The following MTRF1L variants were observed in gnomAD, a reference collection of about 807,000 sequenced individuals.
The protein encoded by MTRF1L is mitochondrial translation release factor 1 like.
A neutral mutation model predicts 40.0 loss-of-function variants in MTRF1L; 29 were observed. That is an observed-to-expected ratio of 0.73 (90% CI 0.54 to 0.99). The LOEUF (loss-of-function observed/expected upper bound fraction) is 0.99, where lower values mean the gene tolerates loss of function less well. Ranked by LOEUF, MTRF1L falls within the 50% of genes least tolerant of loss-of-function variation. The pLI is 0.00. For synonymous variants in MTRF1L, 150 were observed against 175.8 expected (o/e 0.85, Z 1.16); for missense variants, 412 against 464.5 (o/e 0.89, Z 1.04).
rs1054543062 is a variant in MTRF1L at position 152,991,232 on chromosome 6, G to A, written c.895C>T (p.His299Tyr). 1.3e-6 allele frequency: 2 copies of A among 1,584,850 alleles called. No homozygotes were observed. The highest frequency in any genetic ancestry group is 1.2e-5 in the South Asian group (1 of 85,034). Residue 299 changes from histidine (H) to tyrosine (Y), a missense_variant, in exon 6 of 7, where the codon CAT becomes TAT. His to Tyr is a moderately conservative substitution (Grantham distance 83, BLOSUM62 2). Coordinates refer to ENST00000367233, the MANE Select transcript of MTRF1L (RefSeq NM_019041.7). ...TKLRAKLYSMHLEEEINKRQN... is the reference protein window; with the variant it reads ...TKLRAKLYSMYLEEEINKRQN... ...CTTTTATTTATTTCTTCTTCTAGAT[G>A]CATGCTGTACAGTTTTGCACGTAAC... is the stretch of plus-strand genomic sequence containing the variant.
chr6:152,989,924 A>C lies in MTRF1L; in HGVS notation c.1114T>G (p.Leu372Val). 6.2e-7 allele frequency: 1 copy of C among 1,612,856 alleles called. No homozygotes were observed. Among genetic ancestry groups the C allele is most frequent in the Non-Finnish European group, 8.5e-7 (1 of 1,179,646 alleles). Reference protein sequence around the residue: ...SLKEYADYESLVEIISQKV With the variant: ...SLKEYADYESVVEIISQKV The stretch of plus-strand genomic sequence containing the variant: ...ACTTTTTGGGAAATAATTTCTACTA[A>C]AGATTCATAATCGGCGTATTCCTTC... The change falls in exon 7 of 7, where the codon TTA becomes GTA. Residue 372 changes from leucine to valine, a missense_variant. Leu to Val is a conservative substitution (Grantham distance 32). Coordinates refer to ENST00000367233, the MANE Select transcript of MTRF1L (RefSeq NM_019041.7).
Position 153,002,418 on chromosome 6 carries a change from G to C in MTRF1L, c.259+9C>G. The C allele has an allele frequency of 6.2e-7, 1 of 1,613,956 alleles. No individual in the cohort carries two copies. The highest frequency in any genetic ancestry group is 8.5e-7 in the Non-Finnish European group (1 of 1,179,880). On this transcript the variant is annotated intron_variant, in intron 1 of 6. Coordinates refer to ENST00000367233, the MANE Select transcript of MTRF1L (RefSeq NM_019041.7). ...GCTCTGACGCCTCTCCCCCGGGCCC[G>C]ACCCTTACCGTGCAGCAAGTGCTCA...
intron 1 of MTRF1L, among the ~76,000 whole-genome samples, chr6:153,001,402 A>G (rs1007899731): frequency 3.3e-5 from 5 of 152,162 alleles, no homozygotes; most frequent in Non-Finnish European, 2.9e-5. Flanking sequence ...CACGTACTGT[A>G]TATCTCGAGA....
rs1057329152 is a variant in MTRF1L at position 153,002,569 on chromosome 6, C to T, written c.117G>A (p.Arg39=). Residue 39 remains arginine (R), a synonymous_variant, in exon 1 of 7, where the codon CGG becomes CGA. Transcript: ENST00000367233. ...GSPPLEELFT[R]GGPLRTFLER... is the part of the protein sequence containing the mutation. ...CGAGGAAGGTCCGCAAGGGCCCGCC[C>T]CGGGTGAACAGCTCCTCCAGCGGCG... 1.9e-6 allele frequency: 3 copies of T among 1,573,340 alleles called. No individual in the cohort carries two copies. The highest frequency in any genetic ancestry group is 2.6e-6 in the Non-Finnish European group (3 of 1,160,714).
chr6:153,002,487 C>A lies in MTRF1L; in HGVS notation c.199G>T (p.Val67Leu). 6.2e-7 allele frequency: 1 copy of A among 1,613,740 alleles called. No homozygotes were observed. The highest frequency in any genetic ancestry group is 8.5e-7 in the Non-Finnish European group (1 of 1,179,846). ...TCCTTCTCGTTCAGCAGTTTGATCA[C>A]CGCCAGCAACTCGGGCCTCCTGACC... ...LKVRRPELLA[V>L]IKLLNEKERE... Residue 67 changes from valine to leucine, a missense_variant, in exon 1 of 7, where the codon GTG (valine) becomes TTG (leucine). Physicochemically the swap from Val to Leu is conservative, Grantham distance 32. Transcript: ENST00000367233.
chr6:153,002,459 C>T lies in MTRF1L; in HGVS notation c.227G>A (p.Arg76Gln), dbSNP rs3818123. ...CAAGTGCTCAGTCTCCCGCAGCTCCCGCTCCTTCTCGTTCAGCAGTTTGAT... is the reference window on the plus strand; with the variant it reads ...CAAGTGCTCAGTCTCCCGCAGCTCCTGCTCCTTCTCGTTCAGCAGTTTGAT... ...AVIKLLNEKE[R>Q]ELRETEHLLH... Residue 76 changes from arginine (R) to glutamine (Q), a missense_variant, in exon 1 of 7, where the codon CGG becomes CAG. Transcript: ENST00000367233. The T allele has an allele frequency of 0.69, 1,108,068 of 1,613,208 alleles. 381,407 individuals carry two copies. Among genetic ancestry groups the T allele is most frequent in the Admixed American group, 0.75 (45,090 of 59,970 alleles).
intron 6 of MTRF1L, 153 bp from the exon 7 acceptor site, chr6:152,990,248 A>G: frequency 9.2e-7 from 1 of 1,086,824 alleles, no homozygotes; most frequent in East Asian, 2.6e-5. Context: ...TGACATGGGA[A>G]CATGATATAG....
chr6:152,999,258 C>T (rs945603472), intron 1 of MTRF1L, among the ~76,000 whole-genome samples: 4 of 148,206 alleles, frequency 2.7e-5, no homozygotes, highest in African/African-American at 7.5e-5. Context: ...CATTCCTCTA[C>T]CCTATAGATG....
chr6:152,993,059 CAT>C (rs1161348964), intron 4 of MTRF1L, 85 bp from the exon 5 acceptor site: 14 of 929,828 alleles, frequency 1.5e-5, no homozygotes, highest in Non-Finnish European at 2.2e-5. Flanking sequence ...GAATATACAA[CAT>C]GTACAGAATT....
intron 6 of MTRF1L, 76 bp from the exon 7 acceptor site, chr6:152,990,171 C>A: frequency 6.5e-7 from 1 of 1,536,966 alleles, no homozygotes; most frequent in South Asian, 1.3e-5. Flanking sequence ...TATTTGGAGA[C>A]TTAAGTTCTT....
At chr6:152,994,774 A>C (rs752632084) in intron 3 of MTRF1L, 98 bp from the exon 4 acceptor site, 19 of 1,381,138 alleles carry the variant, frequency 1.4e-5, no homozygotes, top group African/African-American at 5.8e-5. Flanking sequence ...TTTTAAAGTC[A>C]TAAAAGGAGA....
intron 4 of MTRF1L, among the ~76,000 whole-genome samples, chr6:152,994,147 G>T (rs929743795): frequency 6.6e-6 from 1 of 152,072 alleles, no homozygotes; most frequent in Non-Finnish European, 1.5e-5. Flanking sequence ...ATTCTGTTAA[G>T]TAATTACCTT....
At chr6:152,997,349 G>A (rs901905011) in intron 2 of MTRF1L, among the ~76,000 whole-genome samples, 3 of 152,190 alleles carry the variant, frequency 2.0e-5, no homozygotes, top group Admixed American at 1.3e-4. Flanking sequence ...AAAAATTAAA[G>A]GTGAGCAAAC....
At chr6:152,992,271 G>GT (rs1778549948) in intron 5 of MTRF1L, among the ~76,000 whole-genome samples, 1 of 152,168 alleles carries the variant, frequency 6.6e-6, no homozygotes, top group Non-Finnish European at 1.5e-5. Context: ...AATCACTGTG[G>GT]TGATACCTGT....
rs543483061 is a variant in MTRF1L at position 152,998,541 on chromosome 6, A to T, written c.339+9T>A. 7.1e-6 allele frequency: 11 copies of T among 1,557,998 alleles called. No individual in the cohort carries two copies. The highest frequency in any genetic ancestry group is 5.6e-5 in the African/African-American group (4 of 71,830). ...CACAAATGCTTTATTCTTTGCAGAA[A>T]TACCATACCTGATGCTTCAGCTGAG... On this transcript the variant is annotated intron_variant, in intron 2 of 6. Coordinates refer to ENST00000367233, the MANE Select transcript of MTRF1L (RefSeq NM_019041.7).
At position 152,994,635 on chromosome 6, in the gene MTRF1L, C is replaced by T. The variant is rs1163480070; in HGVS notation, c.565G>A (p.Ala189Thr). Residue 189 changes from alanine (A) to threonine (T), a missense_variant, in exon 4 of 7, where the codon GCC becomes ACC. Transcript: ENST00000367233. ...HASASIGGSE[A>T]YRHMKFEGGV... ...CCTTCAAATTTCATGTGCCTATAGG[C>T]TTCTGAACCCCCAATGCTGGCAGAT... 1 of 1,614,106 alleles carries T rather than the reference C, an allele frequency of 6.2e-7. No individual in the cohort carries two copies. Among genetic ancestry groups the T allele is most frequent in the South Asian group, 1.1e-5 (1 of 91,084 alleles).
At chr6:152,994,930 A>T in intron 3 of MTRF1L, 1 of 708,304 alleles carries the variant, frequency 1.4e-6, no homozygotes, top group South Asian at 2.0e-5. Flanking sequence ...ACTGTTAGCA[A>T]TTTGATGGTT....
intron 6 of MTRF1L, among the ~76,000 whole-genome samples, chr6:152,990,817 T>TC (rs1778483959): frequency 6.6e-6 from 1 of 151,898 alleles, no homozygotes; most frequent in Non-Finnish European, 1.5e-5. Flanking sequence ...AGAGCGGAAC[T>TC]CCATGTCAAT....
intron 5 of MTRF1L, among the ~76,000 whole-genome samples, chr6:152,992,359 C>A (rs1360891434): frequency 6.6e-6 from 1 of 152,150 alleles, no homozygotes; most frequent in African/African-American, 2.4e-5. Flanking sequence ...GAATCAGATC[C>A]CCTCGAAGTA....
Sources: allele counts gnomAD v4.1 joint callset (sites outside exome capture counted in the v4.1 genomes callset), GRCh38; gene constraint gnomAD v4.1.1; transcripts MANE v1.5; gene names NCBI Gene and HGNC (gene_info 2026-07-23, HGNC 2026-07-21).